The following HTR4 variants were observed in gnomAD, a reference collection of about 807,000 sequenced individuals.
HTR4 encodes 5-hydroxytryptamine receptor 4, also known as 5-hydroxytryptamine (serotonin) receptor 4, G protein-coupled.
HTR4 carries 16 observed loss-of-function variants against 36.8 expected under a neutral mutation model. The ratio of observed to expected loss-of-function variants is 0.43; its 90% CI spans 0.29 to 0.66. HTR4 has a LOEUF of 0.66. HTR4 is among the 30% of genes least tolerant of loss of function. The pLI is 0.13. For missense variants in HTR4, 438 were observed against 490.9 expected (o/e 0.89, Z 1.02); for synonymous variants, 189 against 185.1 (o/e 1.02, Z -0.17).
chr5:148,490,702 T>G, intron 6 of HTR4: 1 of 1,226,386 alleles, frequency 8.2e-7, no homozygotes. Context: ...AATTGTCTCC[T>G]TCAACTTTAC....
intron 6 of HTR4, among the ~76,000 whole-genome samples, chr5:148,506,304 G>A (rs1757208764): frequency 6.6e-6 from 1 of 152,120 alleles, no homozygotes; most frequent in South Asian, 2.1e-4. Context: ...ATGGTGCTGG[G>A]AAAACTGGCT....
chr5:148,489,400 C>A (rs1314814998), intron 6 of HTR4, among the ~76,000 whole-genome samples: 3 of 152,122 alleles, frequency 2.0e-5, no homozygotes, highest in African/African-American at 4.8e-5. Flanking sequence ...CATTCTCAAC[C>A]CCTAAACAGT....
intron 2 of HTR4, among the ~76,000 whole-genome samples, chr5:148,559,260 A>G (rs1281657211): frequency 6.6e-6 from 1 of 152,198 alleles, no homozygotes; most frequent in African/African-American, 2.4e-5. Context: ...ACCATGGTAA[A>G]GTAAAAAATT....
intron 2 of HTR4, among the ~76,000 whole-genome samples, chr5:148,585,623 C>G (rs1047946790): frequency 7.2e-5 from 11 of 152,070 alleles, no homozygotes; most frequent in African/African-American, 2.4e-4. Context: ...AACTGAAGCC[C>G]AGAGATGTTA....
At chr5:148,510,673 T>C (rs187047742) in intron 5 of HTR4, among the ~76,000 whole-genome samples, 28 of 152,384 alleles carry the variant, frequency 1.8e-4, no homozygotes, top group East Asian at 1.2e-3. Context: ...CATTAATATT[T>C]GAGAACCATT....
At chr5:148,492,890 G>T (rs1756519160) in intron 6 of HTR4, among the ~76,000 whole-genome samples, 2 of 152,160 alleles carry the variant, frequency 1.3e-5, no homozygotes, top group Non-Finnish European at 2.9e-5. Context: ...ATGGCCCTTT[G>T]ATTACATACC....
chr5:148,654,145 C>A lies in HTR4; in HGVS notation c.-131G>T. ...CGCTGAGCCGAGCTTCTGCTGCCGC[C>A]GCTGCCGCTGCGCTCCCAGCCGCTG... On this transcript the variant is annotated 5_prime_UTR_variant, in exon 1 of 7. Coordinates refer to ENST00000377888, the MANE Select transcript of HTR4 (RefSeq NM_000870.7). 1.0e-6 allele frequency: 1 copy of A among 985,700 alleles called. No individual in the cohort carries two copies. Among genetic ancestry groups the A allele is most frequent in the South Asian group, 4.7e-5 (1 of 21,474 alleles). The allele number at this position is 985,700 out of a possible 1,614,324, so 61.1% of individuals were successfully genotyped here.
At chr5:148,508,504 A>G (rs1757331321) in intron 6 of HTR4, among the ~76,000 whole-genome samples, 1 of 152,044 alleles carries the variant, frequency 6.6e-6, no homozygotes, top group African/African-American at 2.4e-5. Context: ...ACCTGTCGGT[A>G]TTCTCTTATA....
Position 148,484,271 on chromosome 5 carries a change from C to T in HTR4, c.1077-978G>A, listed in dbSNP as rs118010232. On this transcript the variant is annotated intron_variant, in intron 6 of 6. Transcript: ENST00000377888. ...AGAATCATAGTTACCCCAAGACAGG[C>T]TTCCTTGCAGTCAAACATCTAATGC... 4.1e-4 allele frequency: 662 copies of T among 1,613,352 alleles called. 5 individuals are homozygous for T. The East Asian group carries it at 0.013, about 33-fold the overall frequency.
intron 2 of HTR4, among the ~76,000 whole-genome samples, chr5:148,591,422 C>A (rs1761566266): frequency 2.0e-5 from 3 of 151,988 alleles, no homozygotes; most frequent in Non-Finnish European, 4.4e-5. Flanking sequence ...TGGCTTTGGG[C>A]AGTATAGTCA....
At chr5:148,639,294 A>G (rs576999207) in intron 1 of HTR4, among the ~76,000 whole-genome samples, 2 of 152,130 alleles carry the variant, frequency 1.3e-5, no homozygotes, top group Non-Finnish European at 2.9e-5. Flanking sequence ...CAAATTCCTT[A>G]TCATAGCTAA....
At chr5:148,540,763 C>T (rs1039557160) in intron 4 of HTR4, among the ~76,000 whole-genome samples, 1 of 151,820 alleles carries the variant, frequency 6.6e-6, no homozygotes, top group African/African-American at 2.4e-5. Flanking sequence ...GAGGGAGAGA[C>T]AAGAGCAGAG....
chr5:148,466,597 A>G (rs993837803), intron 5 of HTR4, among the ~76,000 whole-genome samples: 1 of 152,202 alleles, frequency 6.6e-6, no homozygotes, highest in Admixed American at 6.5e-5. Flanking sequence ...TCCCAGCTCC[A>G]TTACTAAGTA....
chr5:148,474,699 A>G (rs1402729479), downstream of HTR4, among the ~76,000 whole-genome samples: 1 of 152,086 alleles, frequency 6.6e-6, no homozygotes, highest in East Asian at 1.9e-4. Flanking sequence ...TCTGTCTCTC[A>G]CCTTCTAGGC....
At chr5:148,462,768 A>G (rs1009284170) in intron 5 of HTR4, among the ~76,000 whole-genome samples, 1 of 152,326 alleles carries the variant, frequency 6.6e-6, no homozygotes, top group East Asian at 1.9e-4. Flanking sequence ...TCAACAAGAT[A>G]TTAGCAAATC....
At chr5:148,614,339 G>C (rs938792939) in intron 2 of HTR4, among the ~76,000 whole-genome samples, 14 of 151,894 alleles carry the variant, frequency 9.2e-5, no homozygotes, top group African/African-American at 2.2e-4. Context: ...CAGAGATATA[G>C]ATCAATGGAA....
chr5:148,499,770 A>G (rs2113751236), intron 6 of HTR4, among the ~76,000 whole-genome samples: 1 of 152,282 alleles, frequency 6.6e-6, no homozygotes, highest in South Asian at 2.1e-4. Flanking sequence ...ATGGGGGTGG[A>G]GGCCACATGA....
chr5:148,466,570 A>C (rs895076003), intron 5 of HTR4, among the ~76,000 whole-genome samples: 3 of 152,192 alleles, frequency 2.0e-5, no homozygotes, highest in African/African-American at 7.2e-5. Flanking sequence ...CTGAGAGTTA[A>C]ATGTCCAGAA....
chr5:148,528,297 C>T (rs1270758999), intron 4 of HTR4, among the ~76,000 whole-genome samples: 1 of 152,136 alleles, frequency 6.6e-6, no homozygotes, highest in Admixed American at 6.5e-5. Flanking sequence ...TTACAGTAAA[C>T]ATAATTTGAT....
Sources: gnomAD v4.1 joint callset for allele counts (sites outside exome capture counted in the v4.1 genomes callset) on GRCh38, gnomAD v4.1.1 for gene constraint, MANE v1.5 for transcripts, NCBI Gene and HGNC (gene_info 2026-07-23, HGNC 2026-07-21) for gene names.